Variants in ESCO1 observed in about 807,000 individuals in gnomAD.
ESCO1 encodes N-acetyltransferase ESCO1.
ESCO1 carries 33 observed loss-of-function variants against 83.5 expected under a neutral mutation model. The ratio of observed to expected loss-of-function variants is 0.40; its 90% CI spans 0.30 to 0.53. The LOEUF is 0.53. Ranked by LOEUF, ESCO1 falls within the 20% of genes least tolerant of loss-of-function variation. ESCO1 has a pLI of 0.63. For synonymous variants in ESCO1, 332 were observed against 324.3 expected (o/e 1.02, Z -0.25); for missense variants, 855 against 968.0 (o/e 0.88, Z 1.55).
intron 2 of ESCO1, among the ~76,000 whole-genome samples, chr18:21,578,840 G>A (rs1429533045): frequency 6.6e-6 from 1 of 152,060 alleles, no homozygotes; most frequent in Non-Finnish European, 1.5e-5. Context: ...TGGAACTACA[G>A]GCATGCACCA....
At chr18:21,575,861 C>T (rs534506064) in intron 2 of ESCO1, 84 bp from the exon 3 acceptor site, 1 of 394,054 alleles carries the variant, frequency 2.5e-6, no homozygotes, top group South Asian at 1.4e-4. Flanking sequence ...AAATATAACG[C>T]TCCATAATTT....
intron 4 of ESCO1, among the ~76,000 whole-genome samples, chr18:21,571,131 G>T (rs2038335891): frequency 6.6e-6 from 1 of 151,984 alleles, no homozygotes; most frequent in South Asian, 2.1e-4. Context: ...TATTCTAAAT[G>T]TTTGCAATAT....
intron 2 of ESCO1, among the ~76,000 whole-genome samples, chr18:21,576,968 G>T (rs1378173047): frequency 6.6e-6 from 1 of 151,988 alleles, no homozygotes; most frequent in Non-Finnish European, 1.5e-5. Flanking sequence ...AGGAGGTGGA[G>T]GTTGCAGTGA....
chr18:21,566,044 G>A, intron 6 of ESCO1, 102 bp downstream of exon 6: 1 of 1,019,062 alleles, frequency 9.8e-7, no homozygotes, highest in Non-Finnish European at 1.5e-6. Context: ...GAATCTGTAG[G>A]TAAACTGAGG....
chr18:21,533,950 G>A (rs1463482469), intron 10 of ESCO1, among the ~76,000 whole-genome samples: 2 of 151,974 alleles, frequency 1.3e-5, no homozygotes, highest in Non-Finnish European at 2.9e-5. Flanking sequence ...TGCTGCCCAT[G>A]CTGGAGTGCA....
intron 1 of ESCO1, among the ~76,000 whole-genome samples, chr18:21,600,068 T>A (rs1337946355): frequency 6.6e-6 from 1 of 152,200 alleles, no homozygotes; most frequent in African/African-American, 2.4e-5. Flanking sequence ...AACTGAAGGC[T>A]GTAAAACCAA....
Position 21,573,518 on chromosome 18 carries a change from C to A in ESCO1, c.1326G>T (p.Lys442Asn). ...GGCAAGTTATATTTCTATCATGTAGCTTTGTCCCTAAAAACGTACTTTGAG... is the reference window on the plus strand; with the variant it reads ...GGCAAGTTATATTTCTATCATGTAGATTTGTCCCTAAAAACGTACTTTGAG... ...PVTQSTFLGTKLHDRNITCQQ... is the reference protein window; with the variant it reads ...PVTQSTFLGTNLHDRNITCQQ... Residue 442 changes from lysine (K) to asparagine (N), a missense_variant, in exon 4 of 12, where the codon AAG becomes AAT. By Grantham distance (94) the Lys-to-Asn change is moderately conservative. Transcript: ENST00000269214. 1 of 1,613,704 alleles carries A rather than the reference C, an allele frequency of 6.2e-7. No individual in the cohort carries two copies. The highest frequency in any genetic ancestry group is 8.5e-7 in the Non-Finnish European group (1 of 1,179,902).
At chr18:21,553,498 T>C in intron 8 of ESCO1, among the ~76,000 whole-genome samples, 1 of 146,216 alleles carries the variant, frequency 6.8e-6, no homozygotes, top group South Asian at 2.2e-4. Context: ...AAAGATACTG[T>C]TAAGAGAATG....
chr18:21,535,943 A>G, intron 10 of ESCO1, 99 bp downstream of exon 10: 1 of 1,436,526 alleles, frequency 7.0e-7, no homozygotes, highest in Non-Finnish European at 9.5e-7. Flanking sequence ...TGATCTTTAC[A>G]TGAAATGGAG....
chr18:21,562,430 T>C (rs2038199661), intron 7 of ESCO1, among the ~76,000 whole-genome samples: 1 of 151,178 alleles, frequency 6.6e-6, no homozygotes, highest in African/African-American at 2.4e-5. Context: ...GAGCCAAGAT[T>C]GTGCCACTGC....
intron 4 of ESCO1, among the ~76,000 whole-genome samples, chr18:21,571,385 C>T (rs1449908253): frequency 6.6e-6 from 1 of 152,088 alleles, no homozygotes; most frequent in African/African-American, 2.4e-5. Context: ...GATGGGGTTT[C>T]ACCATGCTGT....
At chr18:21,588,476 A>C (rs920509342) in intron 1 of ESCO1, among the ~76,000 whole-genome samples, 5 of 152,070 alleles carry the variant, frequency 3.3e-5, no homozygotes, top group Admixed American at 6.6e-5. Context: ...TTGTATCCCT[A>C]CCTCATACAA....
In ESCO1 at chr18:21,574,868, G is replaced by A. The variant is rs1200986578; in HGVS notation, c.-25C>T. The A allele has an allele frequency of 1.3e-6, 2 of 1,535,286 alleles. No individual in the cohort carries two copies. The highest frequency in any genetic ancestry group is 1.7e-6 in the Non-Finnish European group (2 of 1,154,034). On this transcript the variant is annotated 5_prime_UTR_variant, in exon 4 of 12. Transcript: ENST00000269214. The stretch of plus-strand genomic sequence containing the variant: ...TTCCTGAGTAATGACTTTCTTTTCT[G>A]AGTAGTTTTGAAGAGGATTTTTGTG...
At chr18:21,541,592 CAAA>C (rs58040604) in intron 8 of ESCO1, among the ~76,000 whole-genome samples, 40 of 86,788 alleles carry the variant, frequency 4.6e-4, no homozygotes, top group South Asian at 8.4e-4. Flanking sequence ...GACACTGTCC[CAAA>C]AAAAAAAAAA....
intron 2 of ESCO1, among the ~76,000 whole-genome samples, chr18:21,578,822 C>A (rs1273925128): frequency 6.6e-6 from 1 of 152,096 alleles, no homozygotes; most frequent in Non-Finnish European, 1.5e-5. Flanking sequence ...CTTAGCCTCC[C>A]AAGTAGCTGG....
Position 21,573,869 on chromosome 18 carries a change from A to G in ESCO1, c.975T>C (p.Ser325=). The change falls in exon 4 of 12, where the codon TCT becomes TCC. Residue 325 remains serine (S), a synonymous_variant. Coordinates refer to ENST00000269214, the MANE Select transcript of ESCO1 (RefSeq NM_052911.3). ...ESDNVEVKKE[S]SQMESVKEEK... ...CTTCCTTTACACTTTCCATTTGTGA[A>G]GATTCCTTTTTTACCTCTACATTAT... 1 of 1,614,004 alleles carries G rather than the reference A, an allele frequency of 6.2e-7. No individual in the cohort carries two copies. Among genetic ancestry groups the G allele is most frequent in the Non-Finnish European group, 8.5e-7 (1 of 1,180,006 alleles).
At chr18:21,579,771 GACACACACACACACGCGCGCGCGC>G (rs1307692144) in intron 2 of ESCO1, among the ~76,000 whole-genome samples, 34 of 117,796 alleles carry the variant, frequency 2.9e-4, no homozygotes, top group African/African-American at 9.6e-4. Context: ...GCGAGATTCT[GACACACACACACACGCGCGCGCGC>G]ACACACACAC....
At chr18:21,531,576 T>C (rs1197286153) in intron 11 of ESCO1, among the ~76,000 whole-genome samples, 2 of 152,104 alleles carry the variant, frequency 1.3e-5, no homozygotes, top group Non-Finnish European at 2.9e-5. Context: ...TCCCAGCACT[T>C]TGGGAGGCCA....
At chr18:21,583,350 A>G (rs2146222492) in intron 2 of ESCO1, among the ~76,000 whole-genome samples, 1 of 152,192 alleles carries the variant, frequency 6.6e-6, no homozygotes, top group Non-Finnish European at 1.5e-5. Flanking sequence ...AAAAAAGAAA[A>G]AAAAAATTCT....
Sources: allele counts gnomAD v4.1 joint callset (sites outside exome capture counted in the v4.1 genomes callset), GRCh38; gene constraint gnomAD v4.1.1; transcripts MANE v1.5; gene names NCBI Gene and HGNC (gene_info 2026-07-23, HGNC 2026-07-21).